Variants in GTF2H3 observed in about 807,000 individuals in gnomAD.
GTF2H3 encodes the protein TFIIH basal transcription factor complex p34 subunit.
A neutral mutation model predicts 51.1 loss-of-function variants in GTF2H3; 42 were observed. The observed-to-expected ratio is 0.82, with a 90% CI of 0.64 to 1.06. The LOEUF (loss-of-function observed/expected upper bound fraction) is 1.06, where lower values mean the gene tolerates loss of function less well. Among genes scored for constraint, GTF2H3 ranks in the 50% least tolerant of loss-of-function variants. GTF2H3 has a pLI of 0.00. For missense variants in GTF2H3, 326 were observed against 366.1 expected, an observed-to-expected ratio of 0.89 and a Z score of 0.89; for synonymous variants, 123 against 123.8, an observed-to-expected ratio of 0.99 and a Z score of 0.04.
At chr12:123,653,670 C>G (rs1955548129) in intron 7 of GTF2H3, among the ~76,000 whole-genome samples, 1 of 151,046 alleles carries the variant, frequency 6.6e-6, no homozygotes, top group African/African-American at 2.4e-5. Context: ...AAAGAAGTGC[C>G]AAGTAACGAG....
In GTF2H3 at chr12:123,660,075, A is replaced by C; in HGVS notation, c.850A>C (p.Thr284Pro). Residue 284 changes from threonine (T) to proline (P), a missense_variant, in exon 12 of 13, where the codon ACG becomes CCG. Coordinates refer to ENST00000543341, the MANE Select transcript of GTF2H3 (RefSeq NM_001516.5). ...IFCNFSPICT[T>P]CETAFKISLP... ...CTGCAATTTCAGCCCCATTTGTACT[A>C]CGTGCGAGTAAGTATCTTTGAGATT... 1.9e-6 allele frequency: 3 copies of C among 1,607,516 alleles called. No homozygotes were observed.
intron 2 of GTF2H3, among the ~76,000 whole-genome samples, chr12:123,639,649 T>G (rs1955339494): frequency 6.6e-6 from 1 of 152,196 alleles, no homozygotes. Context: ...TTCTGGACAT[T>G]TCATGTATTG....
rs147568071 is a variant in GTF2H3, at chr12:123,636,689, G to A, written c.14-2575G>A. ...TCCCAGCACTTTGGGAGGCCAAGGC[G>A]GGCAGATCACCTGAGGTCGGGAGTT... is the stretch of plus-strand genomic sequence containing the variant. On this transcript the variant is annotated intron_variant, in intron 1 of 12. Transcript: ENST00000543341. Among the ~76,000 whole-genome samples, 1,033 of 152,294 alleles carry A rather than the reference G, an allele frequency of 6.8e-3. 11 individuals are homozygous for A. The highest frequency in any genetic ancestry group is 0.027 in the Middle Eastern group (8 of 294).
chr12:123,654,744 G>A (rs777735061), intron 7 of GTF2H3, among the ~76,000 whole-genome samples, 180 bp from the exon 8 acceptor site: 19 of 152,158 alleles, frequency 1.2e-4, no homozygotes, highest in Non-Finnish European at 2.2e-4. Context: ...AAACCGTTAC[G>A]TGGAGCGGGA....
chr12:123,638,091 G>A (rs770496523), intron 1 of GTF2H3, among the ~76,000 whole-genome samples: 88 of 151,812 alleles, frequency 5.8e-4, no homozygotes, highest in African/African-American at 1.7e-3. Flanking sequence ...TCGACTTCCC[G>A]GTCTCAAGCG....
intron 1 of GTF2H3, among the ~76,000 whole-genome samples, chr12:123,636,413 T>C (rs184786928): frequency 6.6e-6 from 1 of 152,362 alleles, no homozygotes; most frequent in Admixed American, 6.5e-5. Flanking sequence ...ATTCTCCTAA[T>C]GTAGAAGACA....
chr12:123,659,722 T>G (rs532345098), intron 10 of GTF2H3, 73 bp from the exon 11 acceptor site: 1 of 1,533,654 alleles, frequency 6.5e-7, no homozygotes, highest in East Asian at 2.2e-5. Context: ...TTCCAAGGCC[T>G]AGAAGGGTGG....
At chr12:123,647,879 G>A in intron 3 of GTF2H3, 84 bp from the exon 4 acceptor site, 1 of 833,760 alleles carries the variant, frequency 1.2e-6, no homozygotes, top group Non-Finnish European at 1.8e-6. Flanking sequence ...TTTGTTTGTT[G>A]CCTCTGCTGA....
At chr12:123,637,104 A>G (rs1955295434) in intron 1 of GTF2H3, among the ~76,000 whole-genome samples, 1 of 152,186 alleles carries the variant, frequency 6.6e-6, no homozygotes, top group South Asian at 2.1e-4. Flanking sequence ...ATAAATAAAT[A>G]AATGAGCATC....
chr12:123,647,328 T>G (rs1955461763), intron 3 of GTF2H3, among the ~76,000 whole-genome samples: 1 of 151,608 alleles, frequency 6.6e-6, no homozygotes, highest in African/African-American at 2.4e-5. Context: ...AAAAATTAGC[T>G]GGACGTGGTG....
intron 3 of GTF2H3, among the ~76,000 whole-genome samples, chr12:123,647,474 A>T (rs1349387781): frequency 6.6e-6 from 1 of 152,090 alleles, no homozygotes; most frequent in Non-Finnish European, 1.5e-5. Flanking sequence ...TGTGTCTCAA[A>T]AAAAAAAAGA....
intron 7 of GTF2H3, among the ~76,000 whole-genome samples, chr12:123,653,232 T>TA (rs1955541409): frequency 6.6e-6 from 1 of 152,112 alleles, no homozygotes; most frequent in African/African-American, 2.4e-5. Context: ...CTGAGAGCGA[T>TA]AGAAGAATAA....
intron 8 of GTF2H3, chr12:123,655,466 A>G (rs956975378): frequency 5.9e-6 from 2 of 339,328 alleles, no homozygotes; most frequent in African/African-American, 4.2e-5. Context: ...GTTTTAATGT[A>G]AAATGCTGCT....
chr12:123,635,125 A>G (rs1241537902), intron 1 of GTF2H3, among the ~76,000 whole-genome samples: 1 of 152,176 alleles, frequency 6.6e-6, no homozygotes, highest in Non-Finnish European at 1.5e-5. Context: ...TAAAGAAGGA[A>G]ATTCACAGGG....
intron 4 of GTF2H3, chr12:123,649,837 T>G (rs901773511): frequency 3.3e-5 from 5 of 152,136 alleles, no homozygotes; most frequent in African/African-American, 1.2e-4. Context: ...AATTGTAAAT[T>G]TACTAAAAAT....
intron 1 of GTF2H3, among the ~76,000 whole-genome samples, chr12:123,635,587 A>AG (rs1955270220): frequency 6.6e-6 from 1 of 151,920 alleles, no homozygotes; most frequent in Non-Finnish European, 1.5e-5. Flanking sequence ...AAAAAAAAAA[A>AG]AAAAAGGTAG....
chr12:123,645,570 AT>A lies in GTF2H3; in HGVS notation c.200+11del. Reference sequence around the variant, plus strand: ...AGTCACATTCAAGAAAGGTATGACCATTGTGATTGCTTTTGCTCTTCAGTGC... The same window carrying A: ...AGTCACATTCAAGAAAGGTATGACCATGTGATTGCTTTTGCTCTTCAGTGC... On this transcript the variant is annotated intron_variant, in intron 3 of 12. Coordinates refer to ENST00000543341, the MANE Select transcript of GTF2H3 (RefSeq NM_001516.5). The A allele has an allele frequency of 7.1e-7, 1 of 1,411,702 alleles. No individual in the cohort carries two copies. Among genetic ancestry groups the A allele is most frequent in the Non-Finnish European group, 1.0e-6 (1 of 995,826 alleles). The allele number at this position is 1,411,702 out of a possible 1,614,324, so 87.4% of individuals were successfully genotyped here.
chr12:123,658,810 A>G (rs920349950), intron 9 of GTF2H3, among the ~76,000 whole-genome samples: 1 of 152,240 alleles, frequency 6.6e-6, no homozygotes, highest in Non-Finnish European at 1.5e-5. Flanking sequence ...CAAATGATGT[A>G]TCTGATAAAG....
At chr12:123,650,297 C>T (rs1282925921) in intron 4 of GTF2H3, 1 of 152,222 alleles carries the variant, frequency 6.6e-6, no homozygotes, top group Non-Finnish European at 1.5e-5. Flanking sequence ...CCCTGCTTCT[C>T]ATGGCTCGAG....
Sources: gnomAD v4.1 joint callset for allele counts (sites outside exome capture counted in the v4.1 genomes callset) on GRCh38, gnomAD v4.1.1 for gene constraint, MANE v1.5 for transcripts, NCBI Gene and HGNC (gene_info 2026-07-23, HGNC 2026-07-21) for gene names.